Variants in CIZ1 observed in about 807,000 individuals in gnomAD.
The protein encoded by CIZ1 is cip1-interacting zinc finger protein.
CIZ1 carries 58 observed loss-of-function variants against 118.6 expected under a neutral mutation model. The observed-to-expected ratio is 0.49, with a 90% CI of 0.40 to 0.61. The LOEUF is 0.61. CIZ1 is among the 20% of genes least tolerant of loss of function. The pLI is 0.00. For missense variants in CIZ1, 921 were observed against 1,115.9 expected (o/e 0.83, Z 2.49); for synonymous variants, 448 against 443.4 (o/e 1.01, Z -0.13).
At chr9:128,185,807 C>T (rs1405311510) in intron 4 of CIZ1, 31 bp from the exon 5 acceptor site, 1 of 1,515,418 alleles carries the variant, frequency 6.6e-7, no homozygotes, top group Non-Finnish European at 9.1e-7. Context: ...GAAGAGGGGT[C>T]ACAATGTGGT....
At chr9:128,179,520 C>G in intron 7 of CIZ1, 105 bp from the exon 8 acceptor site, 1 of 1,034,618 alleles carries the variant, frequency 9.7e-7, no homozygotes, top group South Asian at 1.6e-5. Flanking sequence ...CATCTGTAAA[C>G]CCAGCACTTT....
chr9:128,186,219 C>T (rs1588229514), intron 4 of CIZ1, among the ~76,000 whole-genome samples: 1 of 152,108 alleles, frequency 6.6e-6, no homozygotes, highest in East Asian at 1.9e-4. Context: ...ATTCCTCACA[C>T]TGCCTCAGTC....
In CIZ1 at chr9:128,190,385, G is replaced by A. The variant is rs1198958550; in HGVS notation, c.230C>T (p.Ala77Val). 1.2e-6 allele frequency: 2 copies of A among 1,613,870 alleles called. No individual in the cohort carries two copies. The highest frequency in any genetic ancestry group is 1.7e-6 in the Non-Finnish European group (2 of 1,179,930). The part of the protein sequence containing the change: ...PLLNLQGTNS[A>V]SLLNGSMLQR... Reference sequence around the variant, plus strand: ...CAGCATGGAGCCGTTGAGGAGGGAGGCTGAGTTGGTGCCCTGGAGATTCAG... The same window carrying A: ...CAGCATGGAGCCGTTGAGGAGGGAGACTGAGTTGGTGCCCTGGAGATTCAG... Residue 77 changes from alanine (A) to valine (V), a missense_variant, in exon 3 of 17, where the codon GCC becomes GTC. Ala to Val is a moderately conservative substitution (Grantham distance 64). Transcript: ENST00000372938.
At chr9:128,178,263 TG>T in intron 9 of CIZ1, 105 bp downstream of exon 9, 2 of 1,350,808 alleles carry the variant, frequency 1.5e-6, no homozygotes, top group Non-Finnish European at 2.0e-6. Flanking sequence ...CATTTCACGG[TG>T]GGGGAAACAC....
intron 9 of CIZ1, among the ~76,000 whole-genome samples, 191 bp from the exon 10 acceptor site, chr9:128,177,954 G>A (rs1464928625): frequency 6.6e-6 from 1 of 152,092 alleles, no homozygotes; most frequent in Non-Finnish European, 1.5e-5. Flanking sequence ...AACCCAGGTC[G>A]GCCTAAAGTA....
At chr9:128,173,023 G>A (rs1830331443) in intron 11 of CIZ1, among the ~76,000 whole-genome samples, 1 of 152,014 alleles carries the variant, frequency 6.6e-6, no homozygotes, top group South Asian at 2.1e-4. Flanking sequence ...GGAGTGCAGT[G>A]GCATGATCAA....
At position 128,203,394 on chromosome 9, in the gene CIZ1, C is replaced by A; in HGVS notation, c.-6+792G>T. 7.7e-7 allele frequency: 1 copy of A among 1,306,594 alleles called. No homozygotes were observed. The highest frequency in any genetic ancestry group is 1.9e-5 in the South Asian group (1 of 53,020). 80.9% of individuals were successfully genotyped at this position (1,306,594 alleles called of 1,614,324 possible). On this transcript the variant is annotated intron_variant, in intron 1 of 17. Transcript: ENST00000372948. The surrounding 1 kb of genome is among the most constrained non-coding windows in gnomAD (Gnocchi z 5.3). ...CGGCGCAGGCAGTCTGGGCGCGCGG[C>A]TGCAGCGGCGGAGCCGGAGTCGGAG...
At chr9:128,190,591 C>T (rs1341496534) in intron 2 of CIZ1, 97 bp downstream of exon 2, 8 of 1,460,804 alleles carry the variant, frequency 5.5e-6, no homozygotes, top group Non-Finnish European at 5.5e-6. Context: ...AGGACTCAAA[C>T]GGGGATGGCA....
chr9:128,186,410 C>T (rs1428546685), intron 4 of CIZ1, among the ~76,000 whole-genome samples: 1 of 152,078 alleles, frequency 6.6e-6, no homozygotes, highest in Non-Finnish European at 1.5e-5. Context: ...TGCAAGCCAT[C>T]CCCACATACT....
intron 5 of CIZ1, among the ~76,000 whole-genome samples, chr9:128,182,713 G>T (rs1831834219): frequency 6.6e-6 from 1 of 152,040 alleles, no homozygotes; most frequent in Non-Finnish European, 1.5e-5. Flanking sequence ...AGCCTCAGAA[G>T]CACTTCTTGC....
chr9:128,182,196 C>A lies in CIZ1; in HGVS notation c.589-1382G>T, dbSNP rs190871539. Among the ~76,000 whole-genome samples the A allele has an allele frequency of 2.7e-3, 410 of 152,208 alleles. 4 individuals carry two copies. In the Middle Eastern group the frequency reaches 0.031, roughly 11 times the overall value. On this transcript the variant is annotated intron_variant, in intron 5 of 16. Coordinates refer to ENST00000372938, the MANE Select transcript of CIZ1 (RefSeq NM_001131016.2). ...GTATCCAATAAATAACAGCGCAGCC[C>A]GACATTCGGGGCCACTACCAGTCTC...
intron 3 of CIZ1, 95 bp from the exon 4 acceptor site, chr9:128,188,029 C>A: frequency 4.4e-6 from 1 of 228,072 alleles, no homozygotes; most frequent in Non-Finnish European, 8.7e-6. Context: ...ACATATTCAT[C>A]CCAGGGTTAC....
In CIZ1 at chr9:128,179,337, C is replaced by T. The variant is rs540774514; in HGVS notation, c.870G>A (p.Pro290=). 1,011 of 1,613,912 alleles carry T rather than the reference C, an allele frequency of 6.3e-4. 18 individuals are homozygous for T. In the South Asian group the frequency reaches 9.9e-3, roughly 16 times the overall value. ...GCAGGTCTGGTGTCTGTGTCTGTTTCGGTACTGTCATCCGGGCCTGCGGCT... is the reference window on the plus strand; with the variant it reads ...GCAGGTCTGGTGTCTGTGTCTGTTTTGGTACTGTCATCCGGGCCTGCGGCT... ...KAQPQARMTV[P]KQTQTPDLLP... is the part of the protein sequence containing the mutation. Residue 290 remains proline, a synonymous_variant, in exon 8 of 17, where the codon CCG becomes CCA. Transcript: ENST00000372938.
chr9:128,173,993 G>A (rs975111960), intron 11 of CIZ1, among the ~76,000 whole-genome samples: 9 of 149,348 alleles, frequency 6.0e-5, no homozygotes, highest in South Asian at 2.2e-4. Context: ...GTGACAGAGC[G>A]AGACTCCATC....
At chr9:128,192,166 G>A (rs1040261263), upstream of CIZ1, among the ~76,000 whole-genome samples, 2 of 152,112 alleles carry the variant, frequency 1.3e-5, no homozygotes, top group Non-Finnish European at 2.9e-5. Flanking sequence ...GAGGCTGGAG[G>A]ATCAAGACCA....
chr9:128,169,958 T>G, intron 12 of CIZ1, 62 bp downstream of exon 12: 1 of 1,455,722 alleles, frequency 6.9e-7, no homozygotes, highest in Non-Finnish European at 9.5e-7. Flanking sequence ...GGGCTCTGTG[T>G]TGTCTGGACT....
chr9:128,175,576 G>A (rs45517835), intron 11 of CIZ1, among the ~76,000 whole-genome samples: 5 of 152,310 alleles, frequency 3.3e-5, no homozygotes, highest in East Asian at 1.9e-4. Context: ...GACAGAGCCC[G>A]TGACCACTGA....
At chr9:128,193,128 C>G (rs1833275373), upstream of CIZ1, among the ~76,000 whole-genome samples, 1 of 152,214 alleles carries the variant, frequency 6.6e-6, no homozygotes, top group African/African-American at 2.4e-5. Flanking sequence ...TCAACCTGGA[C>G]TAGTCGTGGA....
In CIZ1 at chr9:128,185,527, C is replaced by A. The variant is rs920534206; in HGVS notation, c.588+20G>T. 3.4e-6 allele frequency: 5 copies of A among 1,483,192 alleles called. No individual in the cohort carries two copies. Among genetic ancestry groups the A allele is most frequent in the South Asian group, 1.3e-5 (1 of 74,288 alleles). The allele number at this position is 1,483,192 out of a possible 1,614,324, so 91.9% of individuals were successfully genotyped here. On this transcript the variant is annotated intron_variant, in intron 5 of 16. Transcript: ENST00000372938. ...CCCAGGGTCCCCTCCCGCCCACTCC[C>A]ATCCCCACCTACCACTCACCTTTCG...
Sources: allele counts gnomAD v4.1 joint callset (sites outside exome capture counted in the v4.1 genomes callset), GRCh38; gene constraint gnomAD v4.1.1; non-coding constraint Gnocchi (gnomAD v3.1); transcripts MANE v1.5; gene names NCBI Gene and HGNC (gene_info 2026-07-23, HGNC 2026-07-21).